The following PGCKA1 variants were observed in gnomAD, a reference collection of about 807,000 sequenced individuals.
PGCKA1 encodes PDCD10 and GCKIII kinases associated 1, also known as PDCD10 and GCKIII kinases-associated protein 1.
chr4:37,556,259 GTTTTGTTTTGTTT>G, the PGCKA1 span, among the ~76,000 whole-genome samples: 1 of 110,430 alleles, frequency 9.1e-6, no homozygotes, highest in Non-Finnish European at 2.0e-5. Context: ...TCTTTTTTTT[GTTTTGTTTTGTTT>G]TTTTGTTTTT....
the PGCKA1 span, among the ~76,000 whole-genome samples, chr4:37,519,323 G>A: frequency 2.6e-5 from 4 of 151,570 alleles, no homozygotes; most frequent in Non-Finnish European, 4.4e-5. Flanking sequence ...TTGGTATTTC[G>A]ATACAGATTA....
chr4:37,460,432 G>C, the PGCKA1 span: 7 of 340,430 alleles, frequency 2.1e-5, no homozygotes, highest in African/African-American at 1.6e-4. Flanking sequence ...CACAATGGTG[G>C]AACTAATTTA....
the PGCKA1 span, among the ~76,000 whole-genome samples, chr4:37,481,464 CAAAAAAAAAAAAAAAAAAAAAAAAAAA>C: frequency 4.9e-5 from 3 of 61,430 alleles, no homozygotes; most frequent in African/African-American, 2.5e-4. Context: ...GACCTGTCTC[CAAAAAAAAAAAAAAAAAAAAAAAAAAA>C]AAAAAAAAAG....
the PGCKA1 span, among the ~76,000 whole-genome samples, chr4:37,503,400 T>C: frequency 5.9e-5 from 9 of 152,276 alleles, no homozygotes; most frequent in East Asian, 1.7e-3. Context: ...AGTCCCTCAG[T>C]GACAGCTGTT....
At chr4:37,570,214 G>A in the PGCKA1 span, among the ~76,000 whole-genome samples, 2 of 134,804 alleles carry the variant, frequency 1.5e-5, no homozygotes, top group Non-Finnish European at 3.1e-5. Flanking sequence ...TAGCCAGGAT[G>A]GTCTCGATCT....
the PGCKA1 span, among the ~76,000 whole-genome samples, chr4:37,495,679 G>A: frequency 1.3e-5 from 2 of 152,092 alleles, no homozygotes; most frequent in Non-Finnish European, 2.9e-5. Flanking sequence ...CGGACACAGG[G>A]AGGGGAACAT....
chr4:37,464,058 G>A, the PGCKA1 span, among the ~76,000 whole-genome samples: 3 of 152,204 alleles, frequency 2.0e-5, no homozygotes. Flanking sequence ...ACAGATGACA[G>A]CATCATATGC....
At chr4:37,489,462 T>C in the PGCKA1 span, among the ~76,000 whole-genome samples, 5 of 152,188 alleles carry the variant, frequency 3.3e-5, no homozygotes, top group African/African-American at 4.8e-5. Flanking sequence ...CCTAGGATGA[T>C]AGTCTTCTTA....
the PGCKA1 span, among the ~76,000 whole-genome samples, chr4:37,555,026 T>C: frequency 6.6e-6 from 1 of 152,204 alleles, no homozygotes; most frequent in Admixed American, 6.5e-5. Context: ...TTTCATTACA[T>C]AGCTGGCTCC....
At chr4:37,460,764 A>C in the PGCKA1 span, 1 of 319,948 alleles carries the variant, frequency 3.1e-6, no homozygotes, top group Non-Finnish European at 6.0e-6. Context: ...GATTGCAAAA[A>C]TTTTCCTCCA....
chr4:37,533,616 C>T, the PGCKA1 span, among the ~76,000 whole-genome samples: 3 of 152,106 alleles, frequency 2.0e-5, no homozygotes, highest in Non-Finnish European at 4.4e-5. Flanking sequence ...TTATATATTT[C>T]TAACACTTGT....
chr4:37,471,061 C>A, the PGCKA1 span, among the ~76,000 whole-genome samples: 1 of 152,204 alleles, frequency 6.6e-6, no homozygotes, highest in East Asian at 1.9e-4. Context: ...TATACTCCCA[C>A]ACCACGTACC....
the PGCKA1 span, among the ~76,000 whole-genome samples, chr4:37,553,195 C>A: frequency 8.6e-3 from 1,304 of 150,826 alleles, 71 homozygotes; most frequent in African/African-American, 0.03. Context: ...ACTTGTATCC[C>A]TGTATAGAAA....
At chr4:37,512,879 G>A in the PGCKA1 span, among the ~76,000 whole-genome samples, 2 of 151,958 alleles carry the variant, frequency 1.3e-5, no homozygotes, top group African/African-American at 2.4e-5. Context: ...ACCTGAGGTC[G>A]GGAGTTCGAG....
the PGCKA1 span, among the ~76,000 whole-genome samples, chr4:37,512,958 C>A: frequency 6.6e-6 from 1 of 151,996 alleles, no homozygotes; most frequent in Non-Finnish European, 1.5e-5. Flanking sequence ...CGTAGTGGCA[C>A]ACGCCTGTAA....
the PGCKA1 span, among the ~76,000 whole-genome samples, chr4:37,515,992 A>T: frequency 2.0e-5 from 3 of 152,122 alleles, no homozygotes; most frequent in Non-Finnish European, 4.4e-5. Context: ...TTTTTTTTAT[A>T]TATAAAATGC....
the PGCKA1 span, among the ~76,000 whole-genome samples, chr4:37,496,478 C>G: frequency 6.6e-6 from 1 of 152,180 alleles, no homozygotes; most frequent in African/African-American, 2.4e-5. Flanking sequence ...GCTTTTGTAC[C>G]AGTACCATGC....
At chr4:37,522,476 G>C in the PGCKA1 span, among the ~76,000 whole-genome samples, 1 of 152,144 alleles carries the variant, frequency 6.6e-6, no homozygotes, top group African/African-American at 2.4e-5. Context: ...CTTCGGGAAA[G>C]TGGACTCTGG....
At chr4:37,533,837 G>A in the PGCKA1 span, among the ~76,000 whole-genome samples, 2 of 152,178 alleles carry the variant, frequency 1.3e-5, no homozygotes, top group South Asian at 2.1e-4. Flanking sequence ...GGAAGTAAGT[G>A]GATTGCCAAA....
Sources: gnomAD v4.1 joint callset for allele counts (sites outside exome capture counted in the v4.1 genomes callset) on GRCh38, gnomAD v4.1.1 for gene constraint, MANE v1.5 for transcripts, NCBI Gene and HGNC (gene_info 2026-07-23, HGNC 2026-07-21) for gene names.